CCNE2: variants seen among roughly 807,000 people sequenced by gnomAD.
The protein encoded by CCNE2 is G1/S-specific cyclin-E2.
In CCNE2, 18 loss-of-function variants were observed where a neutral mutation model predicts 56.8. That is an observed-to-expected ratio of 0.32 (90% CI 0.22 to 0.47). The LOEUF is 0.47. Among genes scored for constraint, CCNE2 ranks in the 20% least tolerant of loss-of-function variants. The pLI is 1.00. For missense variants in CCNE2, 371 were observed against 467.1 expected (o/e 0.79, Z 1.90); for synonymous variants, 139 against 149.2 (o/e 0.93, Z 0.50).
chr8:94,893,432 A>G (rs529581926), intron 4 of CCNE2: 110 of 164,886 alleles, frequency 6.7e-4, no homozygotes, highest in African/African-American at 2.5e-3. Flanking sequence ...TTCTTTTCCC[A>G]ATAATGCTGG....
In CCNE2 at chr8:94,892,872, G is replaced by T; in HGVS notation, c.263C>A (p.Thr88Lys). The change falls in exon 5 of 12, where the codon ACA becomes AAA. Residue 88 changes from threonine (T) to lysine (K), a missense_variant. Physicochemically the swap from Thr to Lys is moderately conservative, Grantham distance 78. Transcript: ENST00000308108. The part of the protein sequence containing the change: ...EIGTSDFSRF[T>K]NYRFKNLFIN... ...AAAAAGATTTTTAAATCTGTAATTT[G>T]TAAATCTGGAGAAATCACTTGTTCC... 1 of 1,509,044 alleles carries T rather than the reference G, an allele frequency of 6.6e-7. No homozygotes were observed. Among genetic ancestry groups the T allele is most frequent in the South Asian group, 1.3e-5 (1 of 77,898 alleles). 93.5% of individuals were successfully genotyped at this position (1,509,044 alleles called of 1,614,324 possible).
chr8:94,881,838 AAT>A (rs1816829253), intron 11 of CCNE2, 93 bp from the exon 12 acceptor site: 3 of 1,473,382 alleles, frequency 2.0e-6, no homozygotes, highest in South Asian at 2.5e-5. Context: ...GCCTAATTTT[AAT>A]AGTCTTTTTA....
rs557377526 is a variant in CCNE2, at chr8:94,886,783, A to C, written c.600+1144T>G. 2.6e-5 allele frequency among the ~76,000 whole-genome samples: 4 copies of C among 152,352 alleles called. No individual in the cohort carries two copies. In the East Asian group the frequency reaches 7.7e-4, roughly 29 times the overall value. ...CCTAGTACAAAAATACAGTTAATCA[A>C]AAAATACTTCATGCAGTTTGGCTAA... On this transcript the variant is annotated intron_variant, in intron 7 of 11. Transcript: ENST00000308108.
intron 6 of CCNE2, among the ~76,000 whole-genome samples, chr8:94,889,350 A>C (rs1250662177): frequency 2.6e-5 from 4 of 152,208 alleles, no homozygotes; most frequent in African/African-American, 9.7e-5. Context: ...TGTTGCATAC[A>C]TAATCATATT....
chr8:94,886,157 T>C (rs535571840), intron 7 of CCNE2, among the ~76,000 whole-genome samples: 3 of 152,318 alleles, frequency 2.0e-5, no homozygotes, highest in East Asian at 1.9e-4. Flanking sequence ...GGGGACCATC[T>C]ATATACAAAT....
rs1816851979 is a variant in CCNE2, at chr8:94,882,307, A to T, written c.944-18T>A. 6.4e-7 allele frequency: 1 copy of T among 1,568,662 alleles called. No individual in the cohort carries two copies. The highest frequency in any genetic ancestry group is 8.6e-7 in the Non-Finnish European group (1 of 1,157,558). ...CTCCAAACCTAGATAGATAGAAAAA[A>T]GTTAGAAAAGCATGAAGGTTGTACA... On this transcript the variant is annotated intron_variant, in intron 10 of 11. Transcript: ENST00000308108.
chr8:94,883,074 G>A (rs1816890033), intron 9 of CCNE2, among the ~76,000 whole-genome samples, 182 bp from the exon 10 acceptor site: 2 of 152,000 alleles, frequency 1.3e-5, no homozygotes. Context: ...ACGAGATCGA[G>A]ACCATCCTGG....
chr8:94,895,203 G>T, upstream of CCNE2: 1 of 985,904 alleles, frequency 1.0e-6, no homozygotes, highest in South Asian at 4.7e-5. Flanking sequence ...GCTCGGCTCA[G>T]CTGGCGCCGG....
chr8:94,883,867 A>ACTT, intron 9 of CCNE2: 1 of 456,020 alleles, frequency 2.2e-6, no homozygotes, highest in South Asian at 1.5e-5. Flanking sequence ...GTGGAATTAA[A>ACTT]CTTCAATTCT....
chr8:94,891,023 GA>G (rs1180906281), intron 5 of CCNE2, among the ~76,000 whole-genome samples: 2 of 151,800 alleles, frequency 1.3e-5, no homozygotes, highest in Non-Finnish European at 1.5e-5. Flanking sequence ...AAGTAAATAA[GA>G]AAAAAAACTT....
Position 94,890,181 on chromosome 8 carries a change from C to T in CCNE2, c.453+234G>A, listed in dbSNP as rs562566978. ...AAAGTGGTTGGTACACAGCAGTATC[C>T]ACAGGTAACAGGAATTCTGAATTGG... On this transcript the variant is annotated intron_variant, in intron 6 of 11. Coordinates refer to ENST00000308108, the MANE Select transcript of CCNE2 (RefSeq NM_057749.3). Among the ~76,000 whole-genome samples the T allele has an allele frequency of 4.1e-4, 63 of 152,238 alleles. No homozygotes were observed. The South Asian group carries it at 5.4e-3, about 13-fold the overall frequency.
chr8:94,888,871 G>C (rs1473575941), intron 6 of CCNE2, among the ~76,000 whole-genome samples: 1 of 152,138 alleles, frequency 6.6e-6, no homozygotes, highest in Non-Finnish European at 1.5e-5. Flanking sequence ...TTTGCTGGCC[G>C]AGTGCGGTGG....
chr8:94,886,087 A>T (rs1396494405), intron 7 of CCNE2, among the ~76,000 whole-genome samples: 1 of 152,200 alleles, frequency 6.6e-6, no homozygotes, highest in Non-Finnish European at 1.5e-5. Flanking sequence ...GGCATAATGA[A>T]TGCAGGTTGT....
In CCNE2 at chr8:94,894,085, T is replaced by TGGGCTG. The variant is rs745578148; in HGVS notation, c.43_48dup (p.Gln15_Pro16dup). 1 of 1,613,822 alleles carries TGGGCTG rather than the reference T, an allele frequency of 6.2e-7. No homozygotes were observed. Among genetic ancestry groups the TGGGCTG allele is most frequent in the Non-Finnish European group, 8.5e-7 (1 of 1,179,798 alleles). On this transcript the variant is annotated inframe_insertion, in exon 3 of 12. Coordinates refer to ENST00000308108, the MANE Select transcript of CCNE2 (RefSeq NM_057749.3). ...GCTTCTTGGGGGGATTCCGTCTGGC[T>TGGGCTG]GGGCTGGGGCTGCTGCTTAGCTTGT... is the stretch of plus-strand genomic sequence containing the variant.
chr8:94,880,742 TAAAG>T lies in CCNE2; in HGVS notation c.*886_*889del. On this transcript the variant is annotated 3_prime_UTR_variant, in exon 12 of 12. Transcript: ENST00000308108. ...ACCTTAACAGTTTCACAAACATAAA[TAAAG>T]CCTTAGTCACACTAAATTAAAAAAA... The T allele has an allele frequency of 2.5e-6, 1 of 396,890 alleles. No homozygotes were observed. Among genetic ancestry groups the T allele is most frequent in the Admixed American group, 4.4e-5 (1 of 22,694 alleles). The allele number at this position is 396,890 out of a possible 1,614,324, so 24.6% of individuals were successfully genotyped here.
chr8:94,892,455 G>C (rs771051440), intron 5 of CCNE2, among the ~76,000 whole-genome samples: 8 of 152,128 alleles, frequency 5.3e-5, no homozygotes, highest in Non-Finnish European at 1.0e-4. Context: ...AAATAAATAG[G>C]GTTGATACAT....
At chr8:94,893,593 G>C in intron 4 of CCNE2, 1 of 344,612 alleles carries the variant, frequency 2.9e-6, no homozygotes, top group Non-Finnish European at 5.2e-6. Flanking sequence ...TAGAGTCTGC[G>C]AGGGAACAAA....
At chr8:94,891,522 T>C (rs1009173129) in intron 5 of CCNE2, 3 of 303,358 alleles carry the variant, frequency 9.9e-6, no homozygotes, top group Non-Finnish European at 1.3e-5. Context: ...TAGCTGGGCG[T>C]GGTGGCATGC....
chr8:94,884,090 T>C (rs1010096479), intron 9 of CCNE2, among the ~76,000 whole-genome samples: 28 of 152,190 alleles, frequency 1.8e-4, no homozygotes, highest in Non-Finnish European at 3.4e-4. Context: ...AAAAGTTTTA[T>C]AAAATAAACC....
Sources: allele counts gnomAD v4.1 joint callset (sites outside exome capture counted in the v4.1 genomes callset), GRCh38; gene constraint gnomAD v4.1.1; transcripts MANE v1.5; gene names NCBI Gene and HGNC (gene_info 2026-07-23, HGNC 2026-07-21).